SARS1: variants seen among roughly 807,000 people sequenced by gnomAD.
SARS1 encodes the protein seryl-tRNA synthetase 1, also known as serine--tRNA ligase, cytoplasmic.
Under a neutral mutation model 63.7 loss-of-function variants are expected in SARS1, and 25 were observed. The ratio of observed to expected loss-of-function variants is 0.39; its 90% CI spans 0.29 to 0.55. SARS1 has a LOEUF of 0.55. SARS1 is among the 20% of genes least tolerant of loss of function. The probability of loss-of-function intolerance (pLI) is 0.62; values close to 1 mark genes in which losing one functional copy is unlikely to be tolerated. For synonymous variants in SARS1, 231 were observed against 243.5 expected (o/e 0.95, Z 0.48); for missense variants, 417 against 649.7 (o/e 0.64, Z 3.89).
chr1:109,217,686 AAGT>A (rs1304599166), intron 1 of SARS1, among the ~76,000 whole-genome samples: 2 of 151,708 alleles, frequency 1.3e-5, no homozygotes, highest in Admixed American at 1.3e-4. Flanking sequence ...TCAACCTTCT[AAGT>A]AGCTGGGACC....
chr1:109,230,445 C>T (rs1655184108), intron 4 of SARS1, among the ~76,000 whole-genome samples: 1 of 151,988 alleles, frequency 6.6e-6, no homozygotes, highest in Admixed American at 6.6e-5. Context: ...TTGAGTTAAG[C>T]GATGACTTCA....
chr1:109,220,906 T>C (rs1654911346), intron 1 of SARS1, among the ~76,000 whole-genome samples: 1 of 152,030 alleles, frequency 6.6e-6, no homozygotes, highest in African/African-American at 2.4e-5. Flanking sequence ...TAATATTAAT[T>C]TTGGTGTATT....
At chr1:109,228,833 A>G (rs555365486) in intron 3 of SARS1, among the ~76,000 whole-genome samples, 4 of 152,352 alleles carry the variant, frequency 2.6e-5, no homozygotes, top group African/African-American at 4.8e-5. Flanking sequence ...AACCCTTAAC[A>G]TATAGCAAGA....
rs759796503 is a variant in SARS1, at chr1:109,214,095, C to G, written c.103C>G (p.Gln35Glu). The G allele has an allele frequency of 6.2e-6, 10 of 1,613,950 alleles. No homozygotes were observed. The African/African-American group carries it at 1.3e-4, about 22-fold the overall frequency. The change falls in exon 1 of 11, where the codon CAG becomes GAG. Residue 35 changes from glutamine (Q) to glutamate (E), a missense_variant. This residue lies in a region of SARS1 where 359 missense variants were observed against 529.6 expected (regional missense o/e 0.68). Coordinates refer to ENST00000234677, the MANE Select transcript of SARS1 (RefSeq NM_006513.4). The surrounding 1 kb of genome is among the most constrained non-coding windows in gnomAD (Gnocchi z 4.6). ...CTTCAAGGACCCGGGACTAGTGGAC[C>G]AGCTGGTGAAGGCAGACAGCGAGTG... ...KRFKDPGLVD[Q>E]LVKADSEWRR...
chr1:109,236,126 C>T lies in SARS1; in HGVS notation c.1099+20C>T, dbSNP rs1655302362. The T allele has an allele frequency of 6.2e-7, 1 of 1,603,366 alleles. No individual in the cohort carries two copies. Among genetic ancestry groups the T allele is most frequent in the African/African-American group, 1.3e-5 (1 of 74,468 alleles). ...TCTCAGGTATGGGACCCAGCCTCTT[C>T]TCAGCCTCCCTTTCCTGTAATCCCA... On this transcript the variant is annotated intron_variant, in intron 8 of 10. Coordinates refer to ENST00000234677, the MANE Select transcript of SARS1 (RefSeq NM_006513.4).
chr1:109,226,663 T>TA (rs66652692), intron 2 of SARS1, among the ~76,000 whole-genome samples: 644 of 55,486 alleles, frequency 0.012, 16 homozygotes, highest in African/African-American at 0.035. Flanking sequence ...CTGGCTAATT[T>TA]AAAAAAAAAA....
Position 109,214,009 on chromosome 1 carries a change from A to G in SARS1, c.17A>G (p.Asp6Gly). The G allele has an allele frequency of 6.2e-7, 1 of 1,612,902 alleles. No homozygotes were observed. The highest frequency in any genetic ancestry group is 2.2e-5 in the East Asian group (1 of 44,638). MVLDL[D>G]LFRVDKGGDP... is the part of the protein sequence containing the mutation. ...GGAAAGAAGATGGTGCTGGATCTGG[A>G]TTTGTTTCGGGTGGATAAAGGAGGG... Residue 6 changes from aspartate to glycine, a missense_variant, in exon 1 of 11, where the codon GAT (aspartate) becomes GGT (glycine). Asp to Gly is a moderately conservative substitution (Grantham distance 94). This residue lies in a region of SARS1 where 359 missense variants were observed against 529.6 expected (regional missense o/e 0.68). Transcript: ENST00000234677. The surrounding 1 kb of genome is among the most constrained non-coding windows in gnomAD (Gnocchi z 4.6).
intron 3 of SARS1, 36 bp from the exon 4 acceptor site, chr1:109,229,378 C>T (rs1227065635): frequency 1.9e-6 from 3 of 1,606,796 alleles, no homozygotes; most frequent in African/African-American, 2.7e-5. Flanking sequence ...CCTTGCCTCA[C>T]TGTCCTGCTT....
At chr1:109,223,890 A>G in intron 1 of SARS1, 88 bp from the exon 2 acceptor site, 2 of 970,018 alleles carry the variant, frequency 2.1e-6, no homozygotes, top group Non-Finnish European at 3.3e-6. Flanking sequence ...CTTAACCTGA[A>G]ATCAGTACTA....
chr1:109,225,633 C>G (rs931537910), intron 2 of SARS1, among the ~76,000 whole-genome samples: 2 of 152,202 alleles, frequency 1.3e-5, no homozygotes, highest in Admixed American at 6.5e-5. Flanking sequence ...GTAGAGCACT[C>G]GAAAGCATTC....
rs1410525278 is a variant in SARS1 at position 109,230,116 on chromosome 1, C to T, written c.447+544C>T. Reference sequence around the variant, plus strand: ...GCAGAGCACAGACCACGAGACGACTCTGGAGGTCAGGGCCCTGAGTCCGCC... The same window carrying T: ...GCAGAGCACAGACCACGAGACGACTTTGGAGGTCAGGGCCCTGAGTCCGCC... On this transcript the variant is annotated intron_variant, in intron 4 of 10. Transcript: ENST00000234677. Among the ~76,000 whole-genome samples the T allele has an allele frequency of 1.3e-5, 2 of 152,022 alleles. 1 individual carries two copies.
In SARS1 at chr1:109,214,728, G is replaced by A. The variant is rs1654747035; in HGVS notation, c.136+600G>A. The A allele has an allele frequency of 5.1e-6, 5 of 985,490 alleles. No homozygotes were observed. Among genetic ancestry groups the A allele is most frequent in the Non-Finnish European group, 6.0e-6 (5 of 829,962 alleles). 61.0% of individuals were successfully genotyped at this position (985,490 alleles called of 1,614,324 possible). A position where few individuals can be genotyped will look rare whatever the true frequency, so the allele number is the denominator to read the frequency against. On this transcript the variant is annotated intron_variant, in intron 1 of 10. Transcript: ENST00000234677. The surrounding 1 kb of genome is among the most constrained non-coding windows in gnomAD (Gnocchi z 4.6). ...TTTAAGAATTAGAAAAGTCTTTTCC[G>A]TGGTAGATCAAACGCGAGGGGAGTG... is the stretch of plus-strand genomic sequence containing the variant.
chr1:109,231,572 T>C, intron 5 of SARS1, 59 bp from the exon 6 acceptor site: 2 of 1,342,034 alleles, frequency 1.5e-6, no homozygotes, highest in Non-Finnish European at 1.9e-6. Flanking sequence ...GTGTCAGTTC[T>C]AGCTGAACAT....
intron 2 of SARS1, among the ~76,000 whole-genome samples, chr1:109,226,732 A>G (rs1345967095): frequency 2.0e-5 from 1 of 50,270 alleles, no homozygotes; most frequent in Non-Finnish European, 5.5e-5. Flanking sequence ...ACACACATAT[A>G]TATATATTTA....
chr1:109,224,089 G>A (rs769750204), intron 2 of SARS1, 41 bp downstream of exon 2: 23 of 1,412,566 alleles, frequency 1.6e-5, no homozygotes, highest in Admixed American at 1.2e-4. Context: ...GAACTTGAGC[G>A]GAGATATTTG....
chr1:109,219,269 A>ATATATATG (rs1654867548), intron 1 of SARS1, among the ~76,000 whole-genome samples: 1 of 59,820 alleles, frequency 1.7e-5, no homozygotes, highest in Non-Finnish European at 3.3e-5. Flanking sequence ...CTCCATATAT[A>ATATATATG]TATATATATA....
chr1:109,229,910 G>T (rs1253909491), intron 4 of SARS1, among the ~76,000 whole-genome samples: 2 of 152,194 alleles, frequency 1.3e-5, no homozygotes, highest in African/African-American at 4.8e-5. Context: ...GAAGCTGCAG[G>T]TTGAAGGGAA....
intron 2 of SARS1, among the ~76,000 whole-genome samples, chr1:109,226,676 A>AT (rs1204451693): frequency 0.014 from 543 of 38,550 alleles, 10 homozygotes; most frequent in East Asian, 0.027. Flanking sequence ...AAAAAAAAAA[A>AT]AATATATATA....
intron 2 of SARS1, among the ~76,000 whole-genome samples, chr1:109,227,243 T>G (rs953767059): frequency 6.6e-6 from 1 of 152,136 alleles, no homozygotes; most frequent in African/African-American, 2.4e-5. Context: ...TCCACCCACC[T>G]CAGCCTCCCA....
Sources: gnomAD v4.1 joint callset for allele counts (sites outside exome capture counted in the v4.1 genomes callset) on GRCh38, gnomAD v4.1.1 for gene constraint, gnomAD v4.1.1 regional missense constraint, Gnocchi (gnomAD v3.1) non-coding constraint, MANE v1.5 for transcripts, NCBI Gene and HGNC (gene_info 2026-07-23, HGNC 2026-07-21) for gene names.